Variants in FNIP1 observed in about 807,000 individuals in gnomAD.
FNIP1 encodes the protein folliculin interacting protein 1.
A neutral mutation model predicts 124.5 loss-of-function variants in FNIP1; 40 were observed. The observed-to-expected ratio is 0.32, with a 90% CI of 0.25 to 0.42. The LOEUF is 0.42. Among genes scored for constraint, FNIP1 ranks in the 10% least tolerant of loss-of-function variants. FNIP1 has a pLI of 1.00. For synonymous variants in FNIP1, 472 were observed against 470.6 expected (o/e 1.00, Z -0.04); for missense variants, 1,176 against 1,403.7 (o/e 0.84, Z 2.59).
intron 1 of FNIP1, among the ~76,000 whole-genome samples, chr5:131,757,635 CAAAA>C (rs372983798): frequency 1.4e-5 from 1 of 70,374 alleles, no homozygotes; most frequent in Admixed American, 1.5e-4. Context: ...CTCTGAAGGC[CAAAA>C]AAAAAAAAAA....
intron 14 of FNIP1, 50 bp from the exon 15 acceptor site, chr5:131,670,681 T>C: frequency 7.4e-7 from 1 of 1,353,472 alleles, no homozygotes; most frequent in Non-Finnish European, 9.9e-7. Context: ...TAAATATATT[T>C]AACCAGTAAA....
chr5:131,781,244 T>C (rs1771986359), intron 1 of FNIP1, among the ~76,000 whole-genome samples: 1 of 152,236 alleles, frequency 6.6e-6, no homozygotes, highest in Non-Finnish European at 1.5e-5. Context: ...AGAAGCCATC[T>C]CCATTAACAT....
chr5:131,795,947 T>C (rs1411509233), intron 1 of FNIP1: 1 of 152,240 alleles, frequency 6.6e-6, no homozygotes, highest in Admixed American at 6.5e-5. Flanking sequence ...AAAGGCTGTT[T>C]GGACATAATC....
In FNIP1 at chr5:131,643,747, C is replaced by T. The variant is rs887637180; in HGVS notation, c.*938G>A. 3 of 152,566 alleles carry T rather than the reference C, an allele frequency of 2.0e-5. No individual in the cohort carries two copies. Among genetic ancestry groups the T allele is most frequent in the African/African-American group, 4.8e-5 (2 of 41,386 alleles). 9.5% of individuals were successfully genotyped at this position (152,566 alleles called of 1,614,324 possible). On this transcript the variant is annotated 3_prime_UTR_variant, in exon 18 of 18. Transcript: ENST00000510461. ...TCCTATGGGTTCATGAGGGTTGATA[C>T]CAAAAGCAAGGGCCTTGGCTACCTG... is the stretch of plus-strand genomic sequence containing the variant.
In FNIP1 at chr5:131,796,968, C is replaced by A. The variant is rs774428861; in HGVS notation, c.-47G>T. On this transcript the variant is annotated 5_prime_UTR_variant, in exon 1 of 18. Coordinates refer to ENST00000510461, the MANE Select transcript of FNIP1 (RefSeq NM_133372.3). The stretch of plus-strand genomic sequence containing the variant: ...GTCGCTCCGCTGGGCGCTTGCTAGG[C>A]CCCTGCTCCTACAGCCGCCCCGCCA... 1 of 1,525,196 alleles carries A rather than the reference C, an allele frequency of 6.6e-7. No homozygotes were observed. Among genetic ancestry groups the A allele is most frequent in the Non-Finnish European group, 8.9e-7 (1 of 1,124,598 alleles). The allele number at this position is 1,525,196 out of a possible 1,614,324, so 94.5% of individuals were successfully genotyped here. A position where few individuals can be genotyped will look rare whatever the true frequency, so the allele number is the denominator to read the frequency against.
chr5:131,733,815 C>T (rs1428075856), intron 2 of FNIP1, among the ~76,000 whole-genome samples: 2 of 152,088 alleles, frequency 1.3e-5, no homozygotes. Context: ...CTCTGCCAGG[C>T]TTTGGTATCA....
intron 2 of FNIP1, among the ~76,000 whole-genome samples, chr5:131,733,550 T>G (rs2149552106): frequency 6.6e-6 from 1 of 152,352 alleles, no homozygotes; most frequent in South Asian, 2.1e-4. Context: ...GGCTGTTGAA[T>G]TTTGTCAAAG....
At chr5:131,721,651 A>G (rs1769667390) in intron 3 of FNIP1, among the ~76,000 whole-genome samples, 1 of 152,208 alleles carries the variant, frequency 6.6e-6, no homozygotes, top group Non-Finnish European at 1.5e-5. Flanking sequence ...ACAAAAAATT[A>G]GCTGGGCATG....
intron 1 of FNIP1, among the ~76,000 whole-genome samples, chr5:131,793,717 C>T (rs762852382): frequency 1.3e-5 from 2 of 152,136 alleles, no homozygotes; most frequent in Non-Finnish European, 2.9e-5. Context: ...TAAAGTCCTG[C>T]TGTGGCTTAC....
At chr5:131,793,501 T>G (rs1295050120) in intron 1 of FNIP1, among the ~76,000 whole-genome samples, 1 of 152,162 alleles carries the variant, frequency 6.6e-6, no homozygotes, top group Non-Finnish European at 1.5e-5. Flanking sequence ...TATAAATGAC[T>G]GAAAAAATAC....
intron 11 of FNIP1, among the ~76,000 whole-genome samples, chr5:131,695,621 G>A (rs766996997): frequency 1.6e-4 from 24 of 152,212 alleles, no homozygotes; most frequent in Non-Finnish European, 2.5e-4. Context: ...TCCTAAAACC[G>A]AAGTATAAAC....
At position 131,796,677 on chromosome 5, in the gene FNIP1, C is replaced by CT. The variant is rs140493805; in HGVS notation, c.92+152dup. 8.3e-4 allele frequency: 573 copies of CT among 686,532 alleles called. 5 individuals are homozygous for CT. The African/African-American group carries it at 9.5e-3, about 11-fold the overall frequency. 42.5% of individuals were successfully genotyped at this position (686,532 alleles called of 1,614,324 possible). A position where few individuals can be genotyped will look rare whatever the true frequency, so the allele number is the denominator to read the frequency against. On this transcript the variant is annotated intron_variant, in intron 1 of 17. Coordinates refer to ENST00000510461, the MANE Select transcript of FNIP1 (RefSeq NM_133372.3). ...AGGACCTCGCTCCAACCCTTCGGCG[C>CT]TAGCCCGCAGCCGGCTCCACCCCAC...
At chr5:131,796,506 C>CA in intron 1 of FNIP1, 1 of 374,104 alleles carries the variant, frequency 2.7e-6, no homozygotes, top group Non-Finnish European at 4.9e-6. Flanking sequence ...TACTCGGTGC[C>CA]AGGAAGGCGT....
intron 1 of FNIP1, among the ~76,000 whole-genome samples, chr5:131,771,687 C>CG (rs199585315): frequency 2.0e-5 from 3 of 152,134 alleles, no homozygotes; most frequent in African/African-American, 7.2e-5. Flanking sequence ...TCCTCTCCCT[C>CG]TCCACGTCTA....
At chr5:131,794,311 A>G in intron 1 of FNIP1, among the ~76,000 whole-genome samples, 1 of 151,744 alleles carries the variant, frequency 6.6e-6, no homozygotes. Flanking sequence ...AACAAAAATA[A>G]CAATATCAAT....
chr5:131,705,902 T>A (rs1440424859), intron 9 of FNIP1, among the ~76,000 whole-genome samples: 1 of 152,188 alleles, frequency 6.6e-6, no homozygotes. Flanking sequence ...TACAACGGAA[T>A]GTTATTCAGT....
At chr5:131,715,747 C>A (rs1006382391) in intron 6 of FNIP1, among the ~76,000 whole-genome samples, 7 of 151,938 alleles carry the variant, frequency 4.6e-5, no homozygotes, top group Non-Finnish European at 1.5e-5. Flanking sequence ...AGTGATTGCT[C>A]ATTTGAATAA....
chr5:131,730,954 T>C lies in FNIP1; in HGVS notation c.304A>G (p.Ser102Gly), dbSNP rs1472362761. The C allele has an allele frequency of 6.2e-7, 1 of 1,612,640 alleles. No individual in the cohort carries two copies. Among genetic ancestry groups the C allele is most frequent in the East Asian group, 2.2e-5 (1 of 44,794 alleles). The stretch of plus-strand genomic sequence containing the variant: ...ATATCAGAAGATGAAGTCACAGAAC[T>C]ATCTAAAGAGGAAGAACTGTCTCCT... ...PGGDSSSSLD[S>G]SVTSSSDIKD... Residue 102 changes from serine (S) to glycine (G), a missense_variant, in exon 3 of 18, where the codon AGT becomes GGT. Physicochemically the swap from Ser to Gly is moderately conservative, Grantham distance 56 (BLOSUM62 0). Transcript: ENST00000510461.
chr5:131,690,597 C>G (rs924494714), intron 11 of FNIP1, among the ~76,000 whole-genome samples: 1 of 152,124 alleles, frequency 6.6e-6, no homozygotes. Flanking sequence ...GCCATAATTA[C>G]GAGTTTCCTG....
Sources: gnomAD v4.1 joint callset for allele counts (sites outside exome capture counted in the v4.1 genomes callset) on GRCh38, gnomAD v4.1.1 for gene constraint, MANE v1.5 for transcripts, NCBI Gene and HGNC (gene_info 2026-07-23, HGNC 2026-07-21) for gene names.